The following SERPINA9 variants were observed in gnomAD, a reference collection of about 807,000 sequenced individuals.
SERPINA9 encodes the protein serpin A9.
In SERPINA9, 32 loss-of-function variants were observed where a neutral mutation model predicts 24.5. That is an observed-to-expected ratio of 1.30 (90% CI 0.98 to 1.75). SERPINA9 has a LOEUF of 1.75. SERPINA9 is among the 40% of genes most tolerant of loss of function. The pLI is 0.00. For synonymous variants in SERPINA9, 233 were observed against 197.7 expected (o/e 1.18, Z -1.50); for missense variants, 594 against 497.1 (o/e 1.19, Z -1.85).
intron 4 of SERPINA9, chr14:94,464,305 CT>C (rs1263734024): frequency 0.072 from 5,576 of 77,898 alleles, 376 homozygotes; most frequent in African/African-American, 0.16. Flanking sequence ...CTCTCTCTCT[CT>C]CTCTCTCTCT....
At chr14:94,466,292 A>G (rs553469778) in intron 3 of SERPINA9, among the ~76,000 whole-genome samples, 2 of 152,162 alleles carry the variant, frequency 1.3e-5, no homozygotes, top group East Asian at 3.9e-4. Context: ...GTGCAGCTAA[A>G]CCCCACCGCC....
chr14:94,473,519 CAA>C (rs60938632), intron 1 of SERPINA9, among the ~76,000 whole-genome samples: 22,691 of 82,420 alleles, frequency 0.28, 1,661 homozygotes, highest in Middle Eastern at 0.38. Context: ...AACTCTGTCT[CAA>C]AAAAAAAAAA....
In SERPINA9 at chr14:94,465,695, T is replaced by C. The variant is rs927239540; in HGVS notation, c.903-841A>G. 5.9e-5 allele frequency among the ~76,000 whole-genome samples: 9 copies of C among 152,226 alleles called. No individual in the cohort carries two copies. In the South Asian group the frequency reaches 1.2e-3, roughly 21 times the overall value. On this transcript the variant is annotated intron_variant, in intron 3 of 4. Coordinates refer to ENST00000674397, the MANE Select transcript of SERPINA9 (RefSeq NM_175739.4). ...GGTGTACGTGGCCATGCCCGGCTAA[T>C]TTTTTTGTATTTTAGTAGAGACAGG...
intron 1 of SERPINA9, among the ~76,000 whole-genome samples, chr14:94,470,968 A>G (rs940841257): frequency 1.3e-5 from 2 of 152,188 alleles, no homozygotes; most frequent in South Asian, 2.1e-4. Flanking sequence ...TATGAATCCA[A>G]TGCAAGGCCA....
intron 1 of SERPINA9, among the ~76,000 whole-genome samples, chr14:94,473,321 C>G (rs1179900053): frequency 6.6e-6 from 1 of 152,090 alleles, no homozygotes; most frequent in East Asian, 1.9e-4. Flanking sequence ...GAGTTCCAGA[C>G]CAGCCTGGCC....
At chr14:94,465,072 G>A (rs1228025102) in intron 3 of SERPINA9, among the ~76,000 whole-genome samples, 1 of 152,182 alleles carries the variant, frequency 6.6e-6, no homozygotes, top group East Asian at 1.9e-4. Flanking sequence ...AGATAGACGA[G>A]CCCCCAGTGA....
At position 94,469,282 on chromosome 14, in the gene SERPINA9, C is replaced by T; in HGVS notation, c.559G>A (p.Val187Ile). 1.2e-6 allele frequency: 2 copies of T among 1,614,230 alleles called. No individual in the cohort carries two copies. The highest frequency in any genetic ancestry group is 1.7e-6 in the Non-Finnish European group (2 of 1,180,040). Reference protein sequence around the residue: ...SHVKKKTQGKVVDIIQGLDLL... With the variant: ...SHVKKKTQGKIVDIIQGLDLL... The stretch of plus-strand genomic sequence containing the variant: ...TCAAGGCCTTGGATTATGTCTACAA[C>T]CTTCCCTTGGGTCTTCTTTTTCACA... The change falls in exon 2 of 5, where the codon GTT becomes ATT. Residue 187 changes from valine (V) to isoleucine (I), a missense_variant. Transcript: ENST00000674397.
intron 1 of SERPINA9, chr14:94,475,845 C>T (rs779017701): frequency 4.1e-6 from 2 of 486,012 alleles, no homozygotes; most frequent in Admixed American, 3.7e-5. Flanking sequence ...TTGCTTCTAG[C>T]AGCTGCCCTA....
At chr14:94,467,972 A>G (rs1308508955) in intron 2 of SERPINA9, among the ~76,000 whole-genome samples, 2 of 137,262 alleles carry the variant, frequency 1.5e-5, no homozygotes, top group African/African-American at 5.6e-5. Flanking sequence ...TGGATGGATA[A>G]ATGGGTGGAT....
In SERPINA9 at chr14:94,469,220, G is replaced by C. The variant is rs1421153546; in HGVS notation, c.621C>G (p.Phe207Leu). 6.2e-7 allele frequency: 1 copy of C among 1,608,334 alleles called. No homozygotes were observed. The highest frequency in any genetic ancestry group is 1.3e-5 in the African/African-American group (1 of 74,506). Residue 207 changes from phenylalanine (F) to leucine (L), a missense_variant, in exon 2 of 5, where the codon TTC becomes TTG. Coordinates refer to ENST00000674397, the MANE Select transcript of SERPINA9 (RefSeq NM_175739.4). The part of the protein sequence containing the change: ...LTAMVLVNHI[F>L]FKAKWEKPFH... ...AACTTCTCAAATCCTTACCTTTAAA[G>C]AAAATGTGGTTCACCAGAACCATGG... is the stretch of plus-strand genomic sequence containing the variant.
chr14:94,471,741 T>TG (rs200521239), intron 1 of SERPINA9, among the ~76,000 whole-genome samples: 1 of 151,950 alleles, frequency 6.6e-6, no homozygotes, highest in Non-Finnish European at 1.5e-5. Flanking sequence ...GCCCCATCTC[T>TG]CCCTTTCTCC....
At chr14:94,469,999 G>T in intron 1 of SERPINA9, 142 bp from the exon 2 acceptor site, 2 of 703,136 alleles carry the variant, frequency 2.8e-6, no homozygotes, top group Non-Finnish European at 4.4e-6. Flanking sequence ...TAATCTCTGA[G>T]CCTCACAATA....
chr14:94,465,078 A>C (rs2139798332), intron 3 of SERPINA9, among the ~76,000 whole-genome samples: 1 of 152,312 alleles, frequency 6.6e-6, no homozygotes, highest in East Asian at 1.9e-4. Context: ...ACGAGCCCCC[A>C]GTGAAGTGGG....
At chr14:94,472,634 T>A (rs973363345) in intron 1 of SERPINA9, among the ~76,000 whole-genome samples, 1 of 152,206 alleles carries the variant, frequency 6.6e-6, no homozygotes, top group Non-Finnish European at 1.5e-5. Context: ...ACAGGGTCCT[T>A]GTTCTTAAGG....
intron 4 of SERPINA9, 151 bp from the exon 5 acceptor site, chr14:94,463,447 A>G: frequency 1.5e-6 from 1 of 667,290 alleles, no homozygotes; most frequent in Admixed American, 2.6e-5. Flanking sequence ...TACTCAATAC[A>G]TTGCAGTGGG....
At chr14:94,467,636 A>G (rs1309734450) in intron 2 of SERPINA9, among the ~76,000 whole-genome samples, 1 of 152,248 alleles carries the variant, frequency 6.6e-6, no homozygotes, top group Non-Finnish European at 1.5e-5. Flanking sequence ...AACAACATAA[A>G]CTGAAGGTAA....
intron 1 of SERPINA9, among the ~76,000 whole-genome samples, chr14:94,472,060 C>T (rs979394526): frequency 6.6e-6 from 1 of 152,164 alleles, no homozygotes; most frequent in African/African-American, 2.4e-5. Context: ...GTTGGGGCTA[C>T]AATGGGGGAC....
intron 4 of SERPINA9, chr14:94,464,303 CTCTCT>C (rs751433054): frequency 0.42 from 81,069 of 192,392 alleles, 21,098 homozygotes; most frequent in South Asian, 0.58. Flanking sequence ...CTCTCTCTCT[CTCTCT>C]CTCTCTCTCT....
chr14:94,462,833 A>C lies in SERPINA9; in HGVS notation c.*260T>G. On this transcript the variant is annotated 3_prime_UTR_variant, in exon 5 of 5. Coordinates refer to ENST00000674397, the MANE Select transcript of SERPINA9 (RefSeq NM_175739.4). ...ATTCCTGGGAGCCCCAAGGAATGGA[A>C]ATATGGTAACCCAGCAACATCCCAT... is the stretch of plus-strand genomic sequence containing the variant. 1 of 459,820 alleles carries C rather than the reference A, an allele frequency of 2.2e-6. No homozygotes were observed. The highest frequency in any genetic ancestry group is 4.0e-6 in the Non-Finnish European group (1 of 251,046). The allele number at this position is 459,820 out of a possible 1,614,324, so 28.5% of individuals were successfully genotyped here.
Sources: allele counts gnomAD v4.1 joint callset (sites outside exome capture counted in the v4.1 genomes callset), GRCh38; gene constraint gnomAD v4.1.1; transcripts MANE v1.5; gene names NCBI Gene and HGNC (gene_info 2026-07-23, HGNC 2026-07-21).